LIMCH1: variants seen among roughly 807,000 people sequenced by gnomAD.
The protein encoded by LIMCH1 is LIM and calponin homology domains 1, also known as LIM and calponin homology domains-containing protein 1.
In LIMCH1, 113 loss-of-function variants were observed where a neutral mutation model predicts 176.5. That is an observed-to-expected ratio of 0.64 (90% confidence interval 0.55 to 0.75). The LOEUF (loss-of-function observed/expected upper bound fraction) is 0.75, where lower values mean the gene tolerates loss of function less well. Among genes scored for constraint, LIMCH1 ranks in the 30% least tolerant of loss-of-function variants. The pLI, the probability that LIMCH1 is intolerant of heterozygous loss-of-function variation, is 0.00. For missense variants in LIMCH1, 1,674 were observed against 1,814.9 expected, an observed-to-expected ratio of 0.92 and a Z score of 1.41; for synonymous variants, 619 against 645.9, an observed-to-expected ratio of 0.96 and a Z score of 0.63.
Position 41,629,487 on chromosome 4 carries a change from G to T in LIMCH1, c.1029-5G>T. 6.5e-7 allele frequency: 1 copy of T among 1,535,828 alleles called. No homozygotes were observed. Among genetic ancestry groups the T allele is most frequent in the Non-Finnish European group, 8.7e-7 (1 of 1,146,800 alleles). Reference sequence around the variant, plus strand: ...TTGGTGTGGGGGCCCGGATCAAATGGACAGAAACCAGGGCCACACAGAAGA... The same window carrying T: ...TTGGTGTGGGGGCCCGGATCAAATGTACAGAAACCAGGGCCACACAGAAGA... On this transcript the variant is annotated splice_region_variant and splice_polypyrimidine_tract_variant and intron_variant, in intron 8 of 31. Transcript: ENST00000503057.
chr4:41,671,439 C>A (rs923636669), intron 21 of LIMCH1, 115 bp from the exon 22 acceptor site: 35 of 663,366 alleles, frequency 5.3e-5, no homozygotes, highest in African/African-American at 2.7e-4. Context: ...CACACACACA[C>A]AAAATTGGTT....
intron 1 of LIMCH1, among the ~76,000 whole-genome samples, chr4:41,426,013 G>T (rs895415761): frequency 2.1e-5 from 3 of 139,928 alleles, no homozygotes; most frequent in Non-Finnish European, 3.1e-5. Flanking sequence ...AGAGTGAAAA[G>T]ATTCTTTTTT....
intron 1 of LIMCH1, among the ~76,000 whole-genome samples, chr4:41,463,272 G>A (rs1033549473): frequency 1.3e-5 from 2 of 152,018 alleles, no homozygotes; most frequent in African/African-American, 2.4e-5. Flanking sequence ...GGCTTCCTAG[G>A]AGTCACTTTT....
chr4:41,646,294 G>A lies in LIMCH1; in HGVS notation c.2411+14G>A, dbSNP rs767763557. The stretch of plus-strand genomic sequence containing the variant: ...TGTTCAAGAAAAGTGAGTTCTTTCT[G>A]TTGTCGTTTTTAATGTACAATATTA... On this transcript the variant is annotated intron_variant, in intron 16 of 31. Coordinates refer to ENST00000503057, the MANE Select transcript of LIMCH1 (RefSeq NM_001330672.2). 1.3e-6 allele frequency: 2 copies of A among 1,594,482 alleles called. No individual in the cohort carries two copies. Among genetic ancestry groups the A allele is most frequent in the South Asian group, 2.3e-5 (2 of 86,356 alleles).
At chr4:41,684,274 TAA>T (rs1718764593) in intron 26 of LIMCH1, 121 bp from the exon 27 acceptor site, 12 of 717,774 alleles carry the variant, frequency 1.7e-5, no homozygotes, top group Non-Finnish European at 2.1e-5. Context: ...ATAGAATAAA[TAA>T]AGAGTCCCAT....
intron 1 of LIMCH1, among the ~76,000 whole-genome samples, chr4:41,490,768 G>A (rs929897769): frequency 6.6e-6 from 1 of 152,220 alleles, no homozygotes; most frequent in South Asian, 2.1e-4. Context: ...TCGTTATCAC[G>A]GCCCGTTCTC....
intron 1 of LIMCH1, among the ~76,000 whole-genome samples, chr4:41,436,815 C>T (rs1270180787): frequency 1.3e-5 from 2 of 151,850 alleles, no homozygotes; most frequent in Non-Finnish European, 2.9e-5. Context: ...AAAAAATTTG[C>T]GAAGGAGATA....
chr4:41,462,881 T>C (rs545834508), intron 1 of LIMCH1, among the ~76,000 whole-genome samples: 1 of 151,854 alleles, frequency 6.6e-6, no homozygotes, highest in Admixed American at 6.6e-5. Flanking sequence ...ATAGACCTTT[T>C]ATTTTTTTTT....
intron 1 of LIMCH1, among the ~76,000 whole-genome samples, chr4:41,579,217 G>C (rs1273510121): frequency 6.6e-6 from 1 of 152,098 alleles, no homozygotes; most frequent in Non-Finnish European, 1.5e-5. Flanking sequence ...CCAGCTGCTA[G>C]GTTATATCTG....
Position 41,619,198 on chromosome 4 carries a change from C to T in LIMCH1, c.216C>T (p.Ser72=), listed in dbSNP as rs781005705. 8.7e-6 allele frequency: 14 copies of T among 1,614,142 alleles called. 1 individual carries two copies. Among genetic ancestry groups the T allele is most frequent in the East Asian group, 4.5e-5 (2 of 44,880 alleles). The change falls in exon 6 of 32, where the codon AGC becomes AGT. Residue 72 remains serine, a synonymous_variant. Transcript: ENST00000503057. ...VLRGSSDGRG[S]DSESDLPHRK... is the part of the protein sequence containing the mutation. ...TCCTCTCTTCCCTAGGGAGAGGAAG[C>T]GACTCTGAATCCGACTTGCCTCATC...
intron 1 of LIMCH1, among the ~76,000 whole-genome samples, chr4:41,590,233 A>C (rs2087260703): frequency 1.3e-5 from 2 of 151,990 alleles, no homozygotes; most frequent in African/African-American, 4.8e-5. Context: ...GTTGGGTCTA[A>C]GGTGCGCACC....
chr4:41,533,912 C>T (rs1370823696), upstream of LIMCH1, among the ~76,000 whole-genome samples: 1 of 152,156 alleles, frequency 6.6e-6, no homozygotes, highest in Non-Finnish European at 1.5e-5. Flanking sequence ...GCATTATTTG[C>T]ACTGGGTCCA....
At chr4:41,399,133 G>T (rs2058102195) in intron 1 of LIMCH1, among the ~76,000 whole-genome samples, 1 of 152,188 alleles carries the variant, frequency 6.6e-6, no homozygotes, top group African/African-American at 2.4e-5. Context: ...GAAAGCAGAG[G>T]CATGGGATGT....
chr4:41,682,086 G>T (rs2153048158), intron 25 of LIMCH1, among the ~76,000 whole-genome samples: 1 of 152,306 alleles, frequency 6.6e-6, no homozygotes, highest in East Asian at 1.9e-4. Flanking sequence ...GCGGTCCTAT[G>T]ACTGTTTTAT....
chr4:41,477,657 G>A (rs947503764), intron 1 of LIMCH1, among the ~76,000 whole-genome samples: 1 of 152,156 alleles, frequency 6.6e-6, no homozygotes, highest in African/African-American at 2.4e-5. Flanking sequence ...CAGTTGTCTT[G>A]ACTTTTGGTT....
At chr4:41,590,376 C>T (rs562251297) in intron 1 of LIMCH1, among the ~76,000 whole-genome samples, 28 of 152,260 alleles carry the variant, frequency 1.8e-4, no homozygotes, top group Middle Eastern at 6.8e-3. Context: ...TGAACTACCA[C>T]GCCAGGCCTG....
At chr4:41,559,680 C>T (rs1456170708) in intron 1 of LIMCH1, among the ~76,000 whole-genome samples, 2 of 152,148 alleles carry the variant, frequency 1.3e-5, no homozygotes, top group Non-Finnish European at 2.9e-5. Context: ...TCACTAACCC[C>T]CATCAGCTAC....
chr4:41,606,083 C>A, intron 4 of LIMCH1, 79 bp downstream of exon 4: 1 of 960,892 alleles, frequency 1.0e-6, no homozygotes, highest in Non-Finnish European at 1.6e-6. Context: ...TTTAAGATTA[C>A]TAGAGTACTG....
chr4:41,637,429 A>G (rs532740095), intron 13 of LIMCH1, among the ~76,000 whole-genome samples: 152 of 152,296 alleles, frequency 1.0e-3, no homozygotes, highest in Middle Eastern at 6.8e-3. Context: ...AGCTCAAGCA[A>G]TCTGCCTGCC....
Sources: gnomAD v4.1 joint callset for allele counts (sites outside exome capture counted in the v4.1 genomes callset) on GRCh38, gnomAD v4.1.1 for gene constraint, MANE v1.5 for transcripts, NCBI Gene and HGNC (gene_info 2026-07-23, HGNC 2026-07-21) for gene names.